Variants in STON1 observed in about 807,000 individuals in gnomAD.
The protein encoded by STON1 is stonin-1.
Under a neutral mutation model 60.9 loss-of-function variants are expected in STON1, and 79 were observed. The ratio of observed to expected loss-of-function variants is 1.30; its 90% CI spans 1.08 to 1.56. STON1 has a LOEUF of 1.56. STON1 is among the 40% of genes most tolerant of loss of function. The pLI, the probability that STON1 is intolerant of heterozygous loss-of-function variation, is 0.00. For missense variants in STON1, 1,166 were observed against 858.9 expected (o/e 1.36, Z -4.47); for synonymous variants, 363 against 306.9 (o/e 1.18, Z -1.91).
chr2:48,594,511 T>C (rs924737593), intron 3 of STON1, among the ~76,000 whole-genome samples: 2 of 152,200 alleles, frequency 1.3e-5, no homozygotes, highest in Admixed American at 6.5e-5. Flanking sequence ...ACAAAGTCCC[T>C]GTCCTCATGG....
rs778998793 is a variant in STON1, at chr2:48,581,559, T to C, written c.926T>C (p.Met309Thr). The C allele has an allele frequency of 3.1e-6, 5 of 1,614,234 alleles. No individual in the cohort carries two copies. The highest frequency in any genetic ancestry group is 4.2e-6 in the Non-Finnish European group (5 of 1,180,038). The change falls in exon 2 of 4, where the codon ATG becomes ACG. Residue 309 changes from methionine (M) to threonine (T), a missense_variant. By Grantham distance (81) the Met-to-Thr change is moderately conservative. Coordinates refer to ENST00000404752, the MANE Select transcript of STON1 (RefSeq NM_006873.4). ...GTTTTGCCTGGAGGAATTTTGCAGATGTATTATGAACAGGGATTAGAAAAA... is the reference window on the plus strand; with the variant it reads ...GTTTTGCCTGGAGGAATTTTGCAGACGTATTATGAACAGGGATTAGAAAAA... ...LKVLPGGILQ[M>T]YYEQGLEKPF... is the part of the protein sequence containing the mutation.
At chr2:48,574,754 TCTC>T (rs201579538) in intron 1 of STON1, among the ~76,000 whole-genome samples, 2,165 of 152,332 alleles carry the variant, frequency 0.014, 23 homozygotes, top group Non-Finnish European at 0.022. Context: ...TTTTTAATCT[TCTC>T]CTCCTGTGTT....
At chr2:48,538,768 T>TC in intron 1 of STON1, among the ~76,000 whole-genome samples, 1 of 147,074 alleles carries the variant, frequency 6.8e-6, no homozygotes, top group East Asian at 2.0e-4. Context: ...CAGCTATTTT[T>TC]TTTTTTTTTT....
intron 1 of STON1, among the ~76,000 whole-genome samples, chr2:48,534,460 A>G (rs1228998775): frequency 6.6e-6 from 1 of 152,174 alleles, no homozygotes; most frequent in Non-Finnish European, 1.5e-5. Flanking sequence ...ATCTCCCTGC[A>G]CATGTATTAT....
intron 1 of STON1, among the ~76,000 whole-genome samples, chr2:48,571,924 G>A (rs902522704): frequency 6.6e-6 from 1 of 152,176 alleles, no homozygotes; most frequent in Non-Finnish European, 1.5e-5. Context: ...CAGCACTTTG[G>A]GAGGCCAAGG....
intron 1 of STON1, among the ~76,000 whole-genome samples, chr2:48,553,548 C>T (rs1672189549): frequency 6.6e-6 from 1 of 151,954 alleles, no homozygotes; most frequent in African/African-American, 2.4e-5. Flanking sequence ...AGTGCAATGG[C>T]ATGGTCTCGG....
chr2:48,551,768 G>C (rs773385919), intron 1 of STON1, among the ~76,000 whole-genome samples: 2 of 152,210 alleles, frequency 1.3e-5, no homozygotes, highest in Non-Finnish European at 2.9e-5. Context: ...ACCAAACATT[G>C]ATTGGACTCC....
chr2:48,535,904 A>G (rs191890481), intron 1 of STON1, among the ~76,000 whole-genome samples: 671 of 151,844 alleles, frequency 4.4e-3, no homozygotes, highest in Middle Eastern at 0.017. Context: ...CTGGGCAACA[A>G]GGATGAGACC....
chr2:48,569,935 A>C (rs1291489093), intron 1 of STON1, among the ~76,000 whole-genome samples: 3 of 152,226 alleles, frequency 2.0e-5, no homozygotes, highest in African/African-American at 7.2e-5. Context: ...TGTGTTTTTG[A>C]ATTAGAGATA....
chr2:48,589,469 C>G (rs1416222974), intron 2 of STON1, among the ~76,000 whole-genome samples: 1 of 152,200 alleles, frequency 6.6e-6, no homozygotes, highest in South Asian at 2.1e-4. Context: ...AGACATTGTG[C>G]TAAGGACAGA....
In STON1 at chr2:48,549,810, CAA is replaced by C. The variant is rs59908100; in HGVS notation, c.-48+19616_-48+19617del. On this transcript the variant is annotated intron_variant, in intron 1 of 3. Transcript: ENST00000404752. ...CCCGGACGACAGAGTGACTCCATCT[CAA>C]AAAAAAAAAAAAAAAAAAAAAGAGA... Among the ~76,000 whole-genome samples the C allele has an allele frequency of 9.3e-3, 727 of 78,058 alleles. 3 individuals carry two copies. Among genetic ancestry groups the C allele is most frequent in the African/African-American group, 0.041 (663 of 16,368 alleles). 51.2% of individuals were successfully genotyped at this position (78,058 alleles called of 152,430 possible).
intron 1 of STON1, among the ~76,000 whole-genome samples, chr2:48,545,997 A>T (rs1671850162): frequency 6.6e-6 from 1 of 152,196 alleles, no homozygotes; most frequent in African/African-American, 2.4e-5. Flanking sequence ...TATGAAAAAC[A>T]ATTCTTTCTC....
At chr2:48,590,970 G>C (rs1449234741) in intron 2 of STON1, among the ~76,000 whole-genome samples, 1 of 151,992 alleles carries the variant, frequency 6.6e-6, no homozygotes, top group South Asian at 2.1e-4. Context: ...AAAATAATGC[G>C]ACTTAATTTG....
intron 1 of STON1, among the ~76,000 whole-genome samples, chr2:48,566,611 A>G (rs1672956040): frequency 6.6e-6 from 1 of 152,186 alleles, no homozygotes; most frequent in South Asian, 2.1e-4. Flanking sequence ...AGGGAGAATG[A>G]GCTCAAGGGA....
chr2:48,543,611 A>T (rs1316039221), intron 1 of STON1, among the ~76,000 whole-genome samples: 1 of 143,824 alleles, frequency 7.0e-6, no homozygotes, highest in African/African-American at 2.6e-5. Flanking sequence ...GGCTCACTGC[A>T]ACCTTTGCCT....
At position 48,581,646 on chromosome 2, in the gene STON1, T is replaced by A; in HGVS notation, c.1013T>A (p.Phe338Tyr). The change falls in exon 2 of 4, where the codon TTC (phenylalanine) becomes TAC (tyrosine). Residue 338 changes from phenylalanine to tyrosine, a missense_variant. Phe to Tyr is a conservative substitution (Grantham distance 22, BLOSUM62 3). Transcript: ENST00000404752. ...CRLSEPKVEN[F>Y]SVAGKIHTVK... The stretch of plus-strand genomic sequence containing the variant: ...CTTTCTGAACCCAAGGTTGAGAACT[T>A]CAGTGTAGCAGGAAAAATCCACACT... 1 of 1,614,088 alleles carries A rather than the reference T, an allele frequency of 6.2e-7. No homozygotes were observed. Among genetic ancestry groups the A allele is most frequent in the African/African-American group, 1.3e-5 (1 of 75,022 alleles).
intron 1 of STON1, among the ~76,000 whole-genome samples, chr2:48,533,601 G>A (rs1276471960): frequency 6.8e-6 from 1 of 146,252 alleles, no homozygotes; most frequent in Non-Finnish European, 1.5e-5. Context: ...GAAGCAGGTT[G>A]CAGGGAGCCA....
chr2:48,594,521 G>A (rs549254974), intron 3 of STON1, among the ~76,000 whole-genome samples: 2 of 152,242 alleles, frequency 1.3e-5, no homozygotes, highest in East Asian at 3.9e-4. Context: ...TGTCCTCATG[G>A]AGCATAGTTT....
chr2:48,573,968 G>T (rs539694151), intron 1 of STON1, among the ~76,000 whole-genome samples: 29 of 152,326 alleles, frequency 1.9e-4, no homozygotes, highest in Non-Finnish European at 3.2e-4. Context: ...GTCCTGAATA[G>T]GCATATTCAC....
Sources: gnomAD v4.1 joint callset for allele counts (sites outside exome capture counted in the v4.1 genomes callset) on GRCh38, gnomAD v4.1.1 for gene constraint, MANE v1.5 for transcripts, NCBI Gene and HGNC (gene_info 2026-07-23, HGNC 2026-07-21) for gene names.